Variants in ELAVL2 observed in about 807,000 individuals in gnomAD.
ELAVL2 encodes the protein ELAV like RNA binding protein 2.
Under a neutral mutation model 34.6 loss-of-function variants are expected in ELAVL2, and 4 were observed. The observed-to-expected ratio is 0.12, with a 90% CI of 0.06 to 0.26. The LOEUF (loss-of-function observed/expected upper bound fraction) is 0.26. ELAVL2 is among the 10% of genes least tolerant of loss of function. ELAVL2 has a pLI of 1.00. For missense variants in ELAVL2, 432 were observed against 442.8 expected, an observed-to-expected ratio of 0.98 and a Z score of 0.22; for synonymous variants, 193 against 154.8, an observed-to-expected ratio of 1.25 and a Z score of -1.83.
chr9:23,814,787 T>C (rs1222588072), intron 1 of ELAVL2, among the ~76,000 whole-genome samples: 2 of 152,142 alleles, frequency 1.3e-5, no homozygotes, highest in African/African-American at 4.8e-5. Context: ...TCACCTCCAA[T>C]AAAGCAATAT....
chr9:23,824,468 G>A (rs1334746746), intron 1 of ELAVL2, among the ~76,000 whole-genome samples: 7 of 152,134 alleles, frequency 4.6e-5, no homozygotes, highest in Non-Finnish European at 1.0e-4. Flanking sequence ...AGAGTGGGTG[G>A]GGTGAGGAGC....
intron 2 of ELAVL2, among the ~76,000 whole-genome samples, chr9:23,753,803 C>T (rs990465024): frequency 2.0e-5 from 3 of 152,128 alleles, no homozygotes; most frequent in African/African-American, 7.2e-5. Flanking sequence ...GAATAGCAAA[C>T]AGCACACGTG....
At chr9:23,777,646 A>C (rs1043953606) in intron 1 of ELAVL2, among the ~76,000 whole-genome samples, 7 of 152,144 alleles carry the variant, frequency 4.6e-5, no homozygotes, top group Admixed American at 2.6e-4. Flanking sequence ...GGGTATCATG[A>C]GGTAGAAGCA....
intron 2 of ELAVL2, among the ~76,000 whole-genome samples, chr9:23,744,850 C>T (rs1348238084): frequency 6.6e-6 from 1 of 152,126 alleles, no homozygotes; most frequent in Non-Finnish European, 1.5e-5. Flanking sequence ...TTCATTTGCA[C>T]TCTCTGTCAT....
chr9:23,747,385 T>A (rs534215924), intron 2 of ELAVL2, among the ~76,000 whole-genome samples: 2 of 149,436 alleles, frequency 1.3e-5, no homozygotes, highest in South Asian at 2.1e-4. Flanking sequence ...ACCAGTTAAC[T>A]AAACTGCAGA....
At position 23,762,089 on chromosome 9, in the gene ELAVL2, T is replaced by C; in HGVS notation, c.146A>G (p.Asn49Ser). ...TNLIVNYLPQ[N>S]MTQEELKSLF... The stretch of plus-strand genomic sequence containing the variant: ...ACTCTTTAGTTCCTCCTGTGTCATG[T>C]TCTGAGGAAGGTAGTTGACTATTAA... The change falls in exon 2 of 7, where the codon AAC (asparagine) becomes AGC (serine). Residue 49 changes from asparagine (N) to serine (S), a missense_variant. Transcript: ENST00000397312. 1.2e-6 allele frequency: 2 copies of C among 1,613,558 alleles called. No homozygotes were observed. Among genetic ancestry groups the C allele is most frequent in the Non-Finnish European group, 1.7e-6 (2 of 1,179,600 alleles).
Position 23,734,457 on chromosome 9 carries a change from G to A in ELAVL2, c.230-3332C>T, listed in dbSNP as rs147234643. On this transcript the variant is annotated intron_variant, in intron 2 of 6. Transcript: ENST00000397312. Reference sequence around the variant, plus strand: ...AAAAAGGCAGGGAGGAAGTAGTAAAGTCAGGACTTGAAGTCAGGACTTTCA... The same window carrying A: ...AAAAAGGCAGGGAGGAAGTAGTAAAATCAGGACTTGAAGTCAGGACTTTCA... Among the ~76,000 whole-genome samples, 641 of 152,274 alleles carry A rather than the reference G, an allele frequency of 4.2e-3. 6 individuals carry two copies. The highest frequency in any genetic ancestry group is 0.015 in the African/African-American group (615 of 41,544).
rs115250929 is a variant in ELAVL2 at position 23,767,643 on chromosome 9, G to A, written c.-15-5394C>T. Among the ~76,000 whole-genome samples, 1,447 of 152,120 alleles carry A rather than the reference G, an allele frequency of 9.5e-3. 32 individuals carry two copies. The highest frequency in any genetic ancestry group is 0.033 in the African/African-American group (1,383 of 41,514). On this transcript the variant is annotated intron_variant, in intron 1 of 6. Coordinates refer to ENST00000397312, the MANE Select transcript of ELAVL2 (RefSeq NM_004432.5). ...TAAAAATACAAAATATTAGCTGGGC[G>A]TGGTCTGTAGTCCCAGCTACTCAGG...
chr9:23,756,664 A>G (rs1288734293), intron 2 of ELAVL2, among the ~76,000 whole-genome samples: 3 of 152,200 alleles, frequency 2.0e-5, no homozygotes, highest in Admixed American at 6.6e-5. Context: ...TCTGAAAGCT[A>G]GGAATTAACT....
chr9:23,791,692 A>G (rs749699351), intron 1 of ELAVL2, among the ~76,000 whole-genome samples: 4 of 152,236 alleles, frequency 2.6e-5, no homozygotes, highest in African/African-American at 7.2e-5. Context: ...CCTTCTTTAC[A>G]TACCCAGAGT....
At chr9:23,723,317 A>G (rs906177447) in intron 3 of ELAVL2, among the ~76,000 whole-genome samples, 5 of 152,102 alleles carry the variant, frequency 3.3e-5, no homozygotes, top group Non-Finnish European at 7.3e-5. Flanking sequence ...AAACTATCAC[A>G]AGGACAAAAA....
intron 1 of ELAVL2, among the ~76,000 whole-genome samples, chr9:23,772,508 A>G (rs575762699): frequency 1.5e-4 from 21 of 141,508 alleles, no homozygotes; most frequent in Middle Eastern, 8.0e-3. Flanking sequence ...CAAATGCTAC[A>G]CTGTTTAACC....
chr9:23,730,487 A>G (rs2046264998), intron 3 of ELAVL2, among the ~76,000 whole-genome samples: 1 of 152,128 alleles, frequency 6.6e-6, no homozygotes, highest in South Asian at 2.1e-4. Flanking sequence ...TACATTTTTT[A>G]ACTTGGAAAA....
intron 1 of ELAVL2, among the ~76,000 whole-genome samples, chr9:23,785,821 G>A (rs1423941857): frequency 2.6e-5 from 4 of 152,176 alleles, no homozygotes; most frequent in Non-Finnish European, 5.9e-5. Flanking sequence ...GTAGTTGATC[G>A]GTTTGATAGA....
chr9:23,734,090 A>G (rs2047250332), intron 2 of ELAVL2, among the ~76,000 whole-genome samples: 1 of 152,246 alleles, frequency 6.6e-6, no homozygotes, highest in African/African-American at 2.4e-5. Flanking sequence ...GCAAAATAAT[A>G]TGAAAGGGGG....
At chr9:23,840,724 T>C in the ELAVL2 span, among the ~76,000 whole-genome samples, 2 of 152,178 alleles carry the variant, frequency 1.3e-5, no homozygotes, top group African/African-American at 4.8e-5. Flanking sequence ...TTGCAGTCAT[T>C]CCACTGGCAT....
intron 2 of ELAVL2, among the ~76,000 whole-genome samples, chr9:23,751,924 G>A (rs749812716): frequency 5.3e-5 from 8 of 152,078 alleles, no homozygotes; most frequent in African/African-American, 1.2e-4. Context: ...GTCCTGCCTC[G>A]CACTTTCTAT....
In ELAVL2 at chr9:23,762,073, T is replaced by G. The variant is rs1203072171; in HGVS notation, c.162A>C (p.Glu54Asp). 8 of 1,613,348 alleles carry G rather than the reference T, an allele frequency of 5.0e-6. No individual in the cohort carries two copies. Among genetic ancestry groups the G allele is most frequent in the African/African-American group, 1.3e-5 (1 of 74,868 alleles). ...NYLPQNMTQE[E>D]LKSLFGSIGE... The stretch of plus-strand genomic sequence containing the variant: ...CAATGCTCCCAAAGAGACTCTTTAG[T>G]TCCTCCTGTGTCATGTTCTGAGGAA... The change falls in exon 2 of 7, where the codon GAA becomes GAC. Residue 54 changes from glutamate (E) to aspartate (D), a missense_variant. Glu to Asp is a conservative substitution (Grantham distance 45, BLOSUM62 2). Around this residue, in one of 3 missense-constraint regions of ELAVL2, gnomAD observed 132 missense variants for 118.3 expected, o/e 1.12. Transcript: ENST00000397312.
intron 6 of ELAVL2, 107 bp from the exon 7 acceptor site, chr9:23,692,991 C>T (rs1046339584): frequency 1.0e-6 from 1 of 995,480 alleles, no homozygotes; most frequent in Non-Finnish European, 1.5e-6. Flanking sequence ...TTTAGTAACT[C>T]TCCTCCCCCA....
Sources: allele counts gnomAD v4.1 joint callset (sites outside exome capture counted in the v4.1 genomes callset), GRCh38; gene constraint gnomAD v4.1.1; regional missense constraint gnomAD v4.1.1; transcripts MANE v1.5; gene names NCBI Gene and HGNC (gene_info 2026-07-23, HGNC 2026-07-21).